Variants in SORCS2 observed in about 807,000 individuals in gnomAD.
SORCS2 encodes VPS10 domain-containing receptor SorCS2.
In SORCS2, 100 loss-of-function variants were observed where a neutral mutation model predicts 141.6. The ratio of observed to expected loss-of-function variants is 0.71; its 90% CI spans 0.60 to 0.83. The LOEUF is 0.83. Among genes scored for constraint, SORCS2 ranks in the 40% least tolerant of loss-of-function variants. The pLI is 0.00. For synonymous variants in SORCS2, 789 were observed against 676.9 expected (o/e 1.17, Z -2.57); for missense variants, 1,646 against 1,560.2 (o/e 1.05, Z -0.93).
chr4:7,203,948 T>C (rs570202337), intron 1 of SORCS2, among the ~76,000 whole-genome samples: 1 of 152,366 alleles, frequency 6.6e-6, no homozygotes, highest in South Asian at 2.1e-4. Context: ...TCACTCAGCA[T>C]GATGTCCTGA....
At chr4:7,673,452 A>G (rs1011816102) in intron 8 of SORCS2, among the ~76,000 whole-genome samples, 1 of 152,226 alleles carries the variant, frequency 6.6e-6, no homozygotes, top group African/African-American at 2.4e-5. Flanking sequence ...CGTCCACAAA[A>G]TGGAATATCA....
chr4:7,715,189 C>T lies in SORCS2; in HGVS notation c.2130C>T (p.Tyr710=), dbSNP rs376351462. 105 of 1,613,858 alleles carry T rather than the reference C, an allele frequency of 6.5e-5. 1 individual carries two copies. The African/African-American group carries it at 6.8e-4, about 10-fold the overall frequency. The stretch of plus-strand genomic sequence containing the variant: ...TACTCTTCCCTCCTCCCAGCGACTA[C>T]GGATTTGAGCGCTCCTCCTCCTCAG... ...ECRDSDFLCD[Y]GFERSSSSES... Residue 710 remains tyrosine, a synonymous_variant, in exon 17 of 27, where the codon TAC becomes TAT. Transcript: ENST00000507866.
intron 1 of SORCS2, among the ~76,000 whole-genome samples, chr4:7,375,866 C>A (rs1209773462): frequency 2.0e-5 from 3 of 152,148 alleles, no homozygotes; most frequent in Admixed American, 1.3e-4. Context: ...ATTCAAGTCA[C>A]TTTCCCTACC....
intron 1 of SORCS2, among the ~76,000 whole-genome samples, chr4:7,382,962 C>T (rs569464284): frequency 2.0e-5 from 3 of 152,108 alleles, no homozygotes; most frequent in Non-Finnish European, 4.4e-5. Flanking sequence ...ATGTTTTGAT[C>T]TATAATATGA....
At chr4:7,423,040 C>T (rs1470199359) in intron 2 of SORCS2, among the ~76,000 whole-genome samples, 3 of 149,386 alleles carry the variant, frequency 2.0e-5, no homozygotes, top group East Asian at 4.1e-4. Flanking sequence ...CACCCCAGCT[C>T]ATCCCTCCCA....
intron 1 of SORCS2, among the ~76,000 whole-genome samples, chr4:7,301,782 A>AT (rs1717450231): frequency 6.6e-6 from 1 of 152,218 alleles, no homozygotes; most frequent in African/African-American, 2.4e-5. Context: ...GGCCTCCCAA[A>AT]TGATGTCGCT....
intron 2 of SORCS2, among the ~76,000 whole-genome samples, chr4:7,409,654 G>T (rs1725181099): frequency 6.6e-6 from 1 of 152,230 alleles, no homozygotes; most frequent in Non-Finnish European, 1.5e-5. Context: ...GAAACAGTGA[G>T]TTGGTGGTAA....
intron 1 of SORCS2, among the ~76,000 whole-genome samples, chr4:7,304,870 A>C (rs1717677236): frequency 6.6e-6 from 1 of 152,164 alleles, no homozygotes; most frequent in South Asian, 2.1e-4. Context: ...GTGAAGTCAG[A>C]GCATTTCCAA....
At chr4:7,602,654 A>G (rs1383219389) in intron 3 of SORCS2, among the ~76,000 whole-genome samples, 1 of 146,346 alleles carries the variant, frequency 6.8e-6, no homozygotes, top group Non-Finnish European at 1.5e-5. Context: ...TGCCGGGAAG[A>G]GGCACTCCTC....
At chr4:7,315,349 C>G (rs1718488386) in intron 1 of SORCS2, among the ~76,000 whole-genome samples, 3 of 152,238 alleles carry the variant, frequency 2.0e-5, no homozygotes, top group Admixed American at 2.0e-4. Flanking sequence ...AGTAGGTGCT[C>G]AATACATGCT....
chr4:7,366,930 C>T (rs1721934840), intron 1 of SORCS2, among the ~76,000 whole-genome samples: 1 of 152,186 alleles, frequency 6.6e-6, no homozygotes, highest in East Asian at 1.9e-4. Flanking sequence ...TACTGAGTGC[C>T]TACGCCTGAG....
chr4:7,196,169 G>A (rs978261563), intron 1 of SORCS2, among the ~76,000 whole-genome samples: 1 of 152,194 alleles, frequency 6.6e-6, no homozygotes, highest in Non-Finnish European at 1.5e-5. Context: ...CCTGTCTGAC[G>A]TTTAGCTGTA....
intron 25 of SORCS2, among the ~76,000 whole-genome samples, chr4:7,735,975 C>A (rs1207649757): frequency 2.0e-5 from 3 of 152,224 alleles, no homozygotes; most frequent in Admixed American, 1.3e-4. Context: ...AAAGTTGGTG[C>A]TGACAAACCC....
intron 8 of SORCS2, among the ~76,000 whole-genome samples, chr4:7,672,721 T>C (rs1428747460): frequency 1.3e-5 from 2 of 152,198 alleles, no homozygotes; most frequent in Non-Finnish European, 2.9e-5. Context: ...TTCTGCCCCT[T>C]CGTCTTAGTT....
chr4:7,506,801 A>G (rs761157540), intron 2 of SORCS2, among the ~76,000 whole-genome samples: 4 of 152,230 alleles, frequency 2.6e-5, no homozygotes, highest in African/African-American at 4.8e-5. Flanking sequence ...AGACCCTGAA[A>G]CAGATGTCAA....
intron 1 of SORCS2, among the ~76,000 whole-genome samples, chr4:7,277,043 C>A (rs1312286400): frequency 2.0e-5 from 3 of 151,840 alleles, no homozygotes; most frequent in Non-Finnish European, 4.4e-5. Context: ...TGTTAACTGT[C>A]CAGCCCCAGG....
intron 1 of SORCS2, among the ~76,000 whole-genome samples, chr4:7,379,758 T>A (rs1722876886): frequency 6.6e-6 from 1 of 152,332 alleles, no homozygotes; most frequent in South Asian, 2.1e-4. Flanking sequence ...TTGCTTTGTT[T>A]GTCAGATTTA....
At chr4:7,260,319 G>A (rs556771554) in intron 1 of SORCS2, among the ~76,000 whole-genome samples, 2 of 152,176 alleles carry the variant, frequency 1.3e-5, no homozygotes, top group South Asian at 4.2e-4. Flanking sequence ...ATCATAGGAG[G>A]GTCAGAGGAG....
At chr4:7,310,132 G>C (rs1006904212) in intron 1 of SORCS2, among the ~76,000 whole-genome samples, 1 of 152,242 alleles carries the variant, frequency 6.6e-6, no homozygotes, top group African/African-American at 2.4e-5. Context: ...GGGATGGAGA[G>C]CCAGCAGTCA....
Sources: gnomAD v4.1 joint callset for allele counts (sites outside exome capture counted in the v4.1 genomes callset) on GRCh38, gnomAD v4.1.1 for gene constraint, MANE v1.5 for transcripts, NCBI Gene and HGNC (gene_info 2026-07-23, HGNC 2026-07-21) for gene names.